Variants in RPN2 observed in about 807,000 individuals in gnomAD.
RPN2 encodes the protein ribophorin II.
In RPN2, 29 loss-of-function variants were observed where a neutral mutation model predicts 71.4. The observed-to-expected ratio is 0.41, with a 90% CI of 0.30 to 0.55. The LOEUF is 0.55. RPN2 is among the 20% of genes least tolerant of loss of function. The pLI is 0.35. For synonymous variants in RPN2, 308 were observed against 305.0 expected (o/e 1.01, Z -0.10); for missense variants, 726 against 774.1 (o/e 0.94, Z 0.74).
At chr20:37,220,173 GTGTGTGTGTT>G (rs914327016) in intron 9 of RPN2, among the ~76,000 whole-genome samples, 12 of 151,804 alleles carry the variant, frequency 7.9e-5, no homozygotes, top group Non-Finnish European at 1.8e-4. Flanking sequence ...TACATTAGAG[GTGTGTGTGTT>G]TGTGTGTGTG....
Position 37,189,554 on chromosome 20 carries a change from A to G in RPN2, c.207+5181A>G, listed in dbSNP as rs184811351. 3.4e-3 allele frequency among the ~76,000 whole-genome samples: 513 copies of G among 152,280 alleles called. 2 individuals carry two copies. Among genetic ancestry groups the G allele is most frequent in the African/African-American group, 0.012 (482 of 41,566 alleles). On this transcript the variant is annotated intron_variant, in intron 2 of 16. Coordinates refer to ENST00000237530, the MANE Select transcript of RPN2 (RefSeq NM_002951.5). ...GACAACCAGCTCTCCGTTTCTGCCCAATGTTTTCTTCCTGTGTGTGACTCT... is the reference window on the plus strand; with the variant it reads ...GACAACCAGCTCTCCGTTTCTGCCCGATGTTTTCTTCCTGTGTGTGACTCT...
In RPN2 at chr20:37,219,529, C is replaced by G. The variant is rs371090974; in HGVS notation, c.1093-4349C>G. On this transcript the variant is annotated intron_variant, in intron 9 of 16. Transcript: ENST00000237530. The stretch of plus-strand genomic sequence containing the variant: ...AGTCTGAAGGTTGTATTTTCACTTT[C>G]ATGATGTTGTCTTTTGAGGCACAAA... Among the ~76,000 whole-genome samples, 8 of 152,206 alleles carry G rather than the reference C, an allele frequency of 5.3e-5. No individual in the cohort carries two copies. In the East Asian group the frequency reaches 1.3e-3, roughly 26 times the overall value.
At chr20:37,213,651 G>A (rs2067732466) in intron 8 of RPN2, 109 bp from the exon 9 acceptor site, 1 of 828,456 alleles carries the variant, frequency 1.2e-6, no homozygotes. Context: ...AAAAGGTAAG[G>A]AGTTGGCTAG....
chr20:37,229,802 G>A (rs2068188564), intron 12 of RPN2, 171 bp from the exon 13 acceptor site: 1 of 666,716 alleles, frequency 1.5e-6, no homozygotes, highest in African/African-American at 1.8e-5. Flanking sequence ...TACTTGTTTT[G>A]TTCTTAAAGT....
At chr20:37,229,231 A>C (rs941405660) in intron 12 of RPN2, among the ~76,000 whole-genome samples, 1 of 152,254 alleles carries the variant, frequency 6.6e-6, no homozygotes, top group African/African-American at 2.4e-5. Context: ...TGTTGTTTAC[A>C]TAGTGCCTTC....
In RPN2 at chr20:37,202,909, A is replaced by G. The variant is rs73291779; in HGVS notation, c.480-976A>G. Among the ~76,000 whole-genome samples the G allele has an allele frequency of 4.1e-3, 630 of 152,226 alleles. 3 individuals are homozygous for G. Among genetic ancestry groups the G allele is most frequent in the African/African-American group, 0.014 (599 of 41,522 alleles). ...AGGGCTAAGGGGAGACACAATGGGG[A>G]GAAACTGCTCGGTGGGTTTTATCTA... On this transcript the variant is annotated intron_variant, in intron 4 of 16. Coordinates refer to ENST00000237530, the MANE Select transcript of RPN2 (RefSeq NM_002951.5).
Position 37,207,314 on chromosome 20 carries a change from G to A in RPN2, c.732G>A (p.Lys244=). The change falls in exon 7 of 17, where the codon AAG becomes AAA. Residue 244 remains lysine (K), a synonymous_variant. Coordinates refer to ENST00000237530, the MANE Select transcript of RPN2 (RefSeq NM_002951.5). ...TGATGAACGCGATCTTCAGCAAGAA[G>A]AACTTTGAGTCCCTCTCCGAAGCCT... ...IQLMNAIFSK[K]NFESLSEAFS... is the part of the protein sequence containing the mutation. The A allele has an allele frequency of 6.2e-7, 1 of 1,614,174 alleles. No individual in the cohort carries two copies.
chr20:37,179,600 A>G, intron 1 of RPN2: 1 of 1,139,532 alleles, frequency 8.8e-7, no homozygotes, highest in Non-Finnish European at 1.2e-6. Flanking sequence ...GCGCGGAGCT[A>G]CGGGTCGCCC....
intron 11 of RPN2, among the ~76,000 whole-genome samples, chr20:37,227,467 G>C (rs1161379321): frequency 6.6e-6 from 1 of 152,144 alleles, no homozygotes; most frequent in East Asian, 1.9e-4. Flanking sequence ...TCTGGCATCC[G>C]GTCTCCCCAT....
intron 2 of RPN2, among the ~76,000 whole-genome samples, chr20:37,191,127 G>C (rs1158981537): frequency 6.6e-6 from 1 of 152,178 alleles, no homozygotes; most frequent in Non-Finnish European, 1.5e-5. Flanking sequence ...GGTTTAATGA[G>C]AATAGAAACT....
At position 37,216,747 on chromosome 20, in the gene RPN2, C is replaced by G. The variant is rs889639958; in HGVS notation, c.1092+2882C>G. On this transcript the variant is annotated intron_variant, in intron 9 of 16. Coordinates refer to ENST00000237530, the MANE Select transcript of RPN2 (RefSeq NM_002951.5). ...GACGTGTTGGGATTACAGTCGTGAG[C>G]CACTGCACCTGGCCCTCCAGTGTCT... 7.9e-5 allele frequency among the ~76,000 whole-genome samples: 12 copies of G among 152,290 alleles called. 1 individual carries two copies. The East Asian group carries it at 2.3e-3, about 29-fold the overall frequency.
chr20:37,195,371 C>T (rs2067233178), intron 2 of RPN2, among the ~76,000 whole-genome samples: 1 of 152,216 alleles, frequency 6.6e-6, no homozygotes, highest in African/African-American at 2.4e-5. Flanking sequence ...TGATGCTTGT[C>T]TTACTCCAGA....
chr20:37,183,487 G>A (rs2066930149), intron 1 of RPN2, among the ~76,000 whole-genome samples: 1 of 152,124 alleles, frequency 6.6e-6, no homozygotes, highest in Non-Finnish European at 1.5e-5. Context: ...CAAAGTGCTG[G>A]CCCGGCCAGA....
chr20:37,220,183 T>TTGTGTGTGTG (rs369050797), intron 9 of RPN2, among the ~76,000 whole-genome samples: 1 of 148,042 alleles, frequency 6.8e-6, no homozygotes, highest in African/African-American at 2.5e-5. Flanking sequence ...GTGTGTGTGT[T>TTGTGTGTGTG]TGTGTGTGTG....
chr20:37,182,064 A>C (rs973908981), intron 1 of RPN2, among the ~76,000 whole-genome samples: 1 of 151,536 alleles, frequency 6.6e-6, no homozygotes, highest in Non-Finnish European at 1.5e-5. Context: ...CACGTGATAG[A>C]TTTTTTCTTT....
At chr20:37,181,002 G>A (rs977948404) in intron 1 of RPN2, among the ~76,000 whole-genome samples, 23 of 152,064 alleles carry the variant, frequency 1.5e-4, no homozygotes, top group African/African-American at 4.8e-4. Flanking sequence ...AGGCTGAGGC[G>A]GGCGGATCAC....
At position 37,204,869 on chromosome 20, in the gene RPN2, G is replaced by A. The variant is rs2067476837; in HGVS notation, c.658G>A (p.Asp220Asn). 1 of 1,614,150 alleles carries A rather than the reference G, an allele frequency of 6.2e-7. No individual in the cohort carries two copies. Residue 220 changes from aspartate to asparagine, a missense_variant, in exon 6 of 17, where the codon GAT (aspartate) becomes AAT (asparagine). Physicochemically the swap from Asp to Asn is conservative, Grantham distance 23. Coordinates refer to ENST00000237530, the MANE Select transcript of RPN2 (RefSeq NM_002951.5). ...LFVAATYKLM[D>N]HVGTEPSIKE... Reference sequence around the variant, plus strand: ...TGTGGCTGCCACCTACAAGCTCATGGATCATGTGGGGACTGAGCCATCCAT... The same window carrying A: ...TGTGGCTGCCACCTACAAGCTCATGAATCATGTGGGGACTGAGCCATCCAT...
At chr20:37,192,749 G>T (rs541928815) in intron 2 of RPN2, among the ~76,000 whole-genome samples, 1 of 152,180 alleles carries the variant, frequency 6.6e-6, no homozygotes, top group Admixed American at 6.5e-5. Flanking sequence ...GATATGTGCT[G>T]TTATAAATAG....
At chr20:37,213,902 T>C in intron 9 of RPN2, 37 bp downstream of exon 9, 1 of 1,480,584 alleles carries the variant, frequency 6.8e-7, no homozygotes, top group Non-Finnish European at 9.4e-7. Flanking sequence ...GCCATGTTAG[T>C]ATATCCAAGG....
Sources: allele counts gnomAD v4.1 joint callset (sites outside exome capture counted in the v4.1 genomes callset), GRCh38; gene constraint gnomAD v4.1.1; transcripts MANE v1.5; gene names NCBI Gene and HGNC (gene_info 2026-07-23, HGNC 2026-07-21).